The following KCNIP4 variants were observed in gnomAD, a reference collection of about 807,000 sequenced individuals.
The protein encoded by KCNIP4 is potassium voltage-gated channel interacting protein 4.
Under a neutral mutation model 34.0 loss-of-function variants are expected in KCNIP4, and 12 were observed. That is an observed-to-expected ratio of 0.35 (90% CI 0.23 to 0.57). KCNIP4 has a LOEUF of 0.57. Among genes scored for constraint, KCNIP4 ranks in the 20% least tolerant of loss-of-function variants. The probability of loss-of-function intolerance (pLI) is 0.83; values close to 1 mark genes in which losing one functional copy is unlikely to be tolerated. For synonymous variants in KCNIP4, 124 were observed against 102.2 expected (o/e 1.21, Z -1.29); for missense variants, 238 against 311.7 (o/e 0.76, Z 1.78).
intron 1 of KCNIP4, among the ~76,000 whole-genome samples, chr4:21,642,789 T>C (rs760587820): frequency 2.2e-4 from 33 of 152,146 alleles, no homozygotes; most frequent in Non-Finnish European, 4.3e-4. Flanking sequence ...CTGGCTGGGA[T>C]AATTGATACT....
intron 1 of KCNIP4, among the ~76,000 whole-genome samples, chr4:21,476,228 G>A (rs200650352): frequency 0.12 from 18,956 of 152,120 alleles, 1,339 homozygotes; most frequent in South Asian, 0.21. Context: ...ATACTTACCT[G>A]TCTATCTATC....
At chr4:20,841,907 T>A (rs1719768236) in intron 3 of KCNIP4, among the ~76,000 whole-genome samples, 1 of 152,152 alleles carries the variant, frequency 6.6e-6, no homozygotes, top group Non-Finnish European at 1.5e-5. Flanking sequence ...TAGAAAGTCC[T>A]TTTTTCTACC....
intron 1 of KCNIP4, among the ~76,000 whole-genome samples, chr4:21,209,627 T>TTATC (rs1388349131): frequency 3.3e-5 from 5 of 151,764 alleles, no homozygotes; most frequent in Admixed American, 2.0e-4. Flanking sequence ...ATTTATCTAT[T>TTATC]TATCTATCTA....
intron 1 of KCNIP4, among the ~76,000 whole-genome samples, chr4:21,353,529 A>G (rs1718242431): frequency 6.6e-6 from 1 of 152,214 alleles, no homozygotes; most frequent in African/African-American, 2.4e-5. Context: ...GATTTGATCA[A>G]GTGGAAGAAA....
At chr4:21,855,929 T>C (rs1260290329) in intron 1 of KCNIP4, among the ~76,000 whole-genome samples, 1 of 152,352 alleles carries the variant, frequency 6.6e-6, no homozygotes, top group Non-Finnish European at 1.5e-5. Flanking sequence ...CTTTTAAAAT[T>C]TAAATCAATT....
chr4:21,506,188 ATT>A (rs934638129), intron 1 of KCNIP4, among the ~76,000 whole-genome samples: 1 of 152,056 alleles, frequency 6.6e-6, no homozygotes, highest in East Asian at 1.9e-4. Context: ...CAGCCAGTTG[ATT>A]TTTTTTAATT....
chr4:21,866,762 ATTTTTT>A (rs770568451), intron 1 of KCNIP4, among the ~76,000 whole-genome samples: 2 of 82,698 alleles, frequency 2.4e-5, no homozygotes, highest in Admixed American at 1.9e-4. Flanking sequence ...TTCAGCCTGG[ATTTTTT>A]TTTTTTTTTT....
rs181993778 is a variant in KCNIP4, at chr4:20,750,859, A to G, written c.359-1127T>C. On this transcript the variant is annotated intron_variant, in intron 4 of 8. Transcript: ENST00000382152. ...TTATCTTCTGTTTTAAATCTCATCT[A>G]TTTCTATTTTATAACTTTTAACCTT... is the stretch of plus-strand genomic sequence containing the variant. Among the ~76,000 whole-genome samples, 280 of 152,040 alleles carry G rather than the reference A, an allele frequency of 1.8e-3. 1 individual carries two copies. Among genetic ancestry groups the G allele is most frequent in the Non-Finnish European group, 1.8e-3 (123 of 67,962 alleles).
chr4:21,412,730 C>T (rs1377300276), intron 1 of KCNIP4, among the ~76,000 whole-genome samples: 2 of 152,180 alleles, frequency 1.3e-5, no homozygotes, highest in Non-Finnish European at 1.5e-5. Context: ...ACTCCACCAG[C>T]TTTCTTGGTT....
At chr4:20,823,910 A>G (rs1717405721) in intron 3 of KCNIP4, among the ~76,000 whole-genome samples, 1 of 152,330 alleles carries the variant, frequency 6.6e-6, no homozygotes, top group Non-Finnish European at 1.5e-5. Flanking sequence ...AATAAATTCC[A>G]GAGTATGGGT....
intron 1 of KCNIP4, among the ~76,000 whole-genome samples, chr4:21,091,896 T>C (rs1747029158): frequency 6.6e-6 from 1 of 152,172 alleles, no homozygotes; most frequent in South Asian, 2.1e-4. Flanking sequence ...AACATACGCA[T>C]TTTGAGGGGA....
At chr4:20,811,514 T>TGC (rs746711909) in intron 3 of KCNIP4, among the ~76,000 whole-genome samples, 30 of 80,708 alleles carry the variant, frequency 3.7e-4, no homozygotes, top group South Asian at 6.4e-4. Flanking sequence ...TGTGTGTGTG[T>TGC]GCGCGCGCGC....
intron 1 of KCNIP4, among the ~76,000 whole-genome samples, chr4:20,931,176 T>TACAC (rs113547133): frequency 0.065 from 9,732 of 149,066 alleles, 300 homozygotes; most frequent in Middle Eastern, 0.11. Context: ...GACAATGTGG[T>TACAC]ACACACACAC....
intron 1 of KCNIP4, among the ~76,000 whole-genome samples, chr4:21,455,833 A>ACAAAAT (rs1259749900): frequency 1.4e-4 from 17 of 124,408 alleles, no homozygotes; most frequent in African/African-American, 3.4e-4. Context: ...ATATATATAT[A>ACAAAAT]TATATATATA....
chr4:20,839,906 C>G (rs550308007), intron 3 of KCNIP4, among the ~76,000 whole-genome samples: 2 of 152,248 alleles, frequency 1.3e-5, no homozygotes, highest in South Asian at 4.1e-4. Flanking sequence ...AAAGAGTTAG[C>G]ATAACAGGTG....
At chr4:21,151,290 A>G (rs1752728899) in intron 1 of KCNIP4, among the ~76,000 whole-genome samples, 1 of 152,104 alleles carries the variant, frequency 6.6e-6, no homozygotes, top group South Asian at 2.1e-4. Flanking sequence ...TAAAATTACA[A>G]TGGTAACTAA....
chr4:21,514,720 C>CA lies in KCNIP4; in HGVS notation c.61+433850dup, dbSNP rs558517839. 4.6e-4 allele frequency among the ~76,000 whole-genome samples: 70 copies of CA among 151,580 alleles called. 1 individual carries two copies. Among genetic ancestry groups the CA allele is most frequent in the African/African-American group, 1.2e-3 (51 of 41,376 alleles). On this transcript the variant is annotated intron_variant, in intron 1 of 8. Transcript: ENST00000382152. ...ATAGGAAGCAACTGTTAAATTAAAA[C>CA]AAAAAAAAGTGAAAGAAAGACTCTC... is the stretch of plus-strand genomic sequence containing the variant.
chr4:21,645,266 T>C (rs1746928045), intron 1 of KCNIP4, among the ~76,000 whole-genome samples: 1 of 152,106 alleles, frequency 6.6e-6, no homozygotes, highest in African/African-American at 2.4e-5. Context: ...TACAGACAGG[T>C]TAAATAAATT....
intron 1 of KCNIP4, among the ~76,000 whole-genome samples, chr4:21,519,033 G>A (rs1735025063): frequency 6.6e-6 from 1 of 152,038 alleles, no homozygotes; most frequent in Admixed American, 6.6e-5. Context: ...CGAAGAAAAT[G>A]GGGCTTGAGT....
Sources: gnomAD v4.1 joint callset for allele counts (sites outside exome capture counted in the v4.1 genomes callset) on GRCh38, gnomAD v4.1.1 for gene constraint, MANE v1.5 for transcripts, NCBI Gene and HGNC (gene_info 2026-07-23, HGNC 2026-07-21) for gene names.